Variants in ATG7 observed in about 807,000 individuals in gnomAD.
The protein encoded by ATG7 is autophagy related 7.
Under a neutral mutation model 82.4 loss-of-function variants are expected in ATG7, and 70 were observed. The ratio of observed to expected loss-of-function variants is 0.85; its 90% confidence interval spans 0.70 to 1.04. The LOEUF (loss-of-function observed/expected upper bound fraction) is 1.04, where lower values mean the gene tolerates loss of function less well. ATG7 is among the 50% of genes least tolerant of loss of function. ATG7 has a pLI of 0.00. For missense variants in ATG7, 792 were observed against 864.3 expected (o/e 0.92, Z 1.05); for synonymous variants, 287 against 313.0 (o/e 0.92, Z 0.88).
intron 19 of ATG7, among the ~76,000 whole-genome samples, chr3:11,391,547 C>T (rs1038566133): frequency 1.9e-4 from 29 of 152,184 alleles, no homozygotes; most frequent in African/African-American, 7.0e-4. Flanking sequence ...GTGCTGGGCT[C>T]AGGGTGATGC....
chr3:11,558,937 C>A, downstream of ATG7: 1 of 1,329,542 alleles, frequency 7.5e-7, no homozygotes, highest in East Asian at 2.5e-5. Context: ...CTGCCACGGT[C>A]AGCGTGGGCT....
In ATG7 at chr3:11,557,334, TTGTC is replaced by T. The variant is rs16340; in HGVS notation, c.*2496_*2499del. 19,259 of 152,742 alleles carry T rather than the reference TTGTC, an allele frequency of 0.13. 2,864 individuals carry two copies. The highest frequency in any genetic ancestry group is 0.36 in the African/African-American group (15,063 of 41,406). The allele number at this position is 152,742 out of a possible 1,614,324, so 9.5% of individuals were successfully genotyped here. ...AGCGTATAAAACACCATATCACAGA[TTGTC>T]TGTCAGTAATCTGCTGTTCAGCCAA... On this transcript the variant is annotated 3_prime_UTR_variant, in exon 21 of 21. Transcript: ENST00000693202.
intron 19 of ATG7, among the ~76,000 whole-genome samples, chr3:11,393,575 T>C (rs1167716391): frequency 1.3e-5 from 2 of 152,240 alleles, no homozygotes; most frequent in Non-Finnish European, 2.9e-5. Context: ...TGACTTGAAA[T>C]GTCAACTGAC....
intron 19 of ATG7, among the ~76,000 whole-genome samples, chr3:11,398,228 A>G (rs1321839363): frequency 6.6e-6 from 1 of 152,198 alleles, no homozygotes; most frequent in Non-Finnish European, 1.5e-5. Flanking sequence ...TACTGCACCT[A>G]ACTGAAATAT....
At chr3:11,486,570 C>G (rs892226590) in intron 20 of ATG7, among the ~76,000 whole-genome samples, 5 of 151,084 alleles carry the variant, frequency 3.3e-5, no homozygotes, top group Non-Finnish European at 7.4e-5. Context: ...ACTTCCAACA[C>G]TATGTTGAAT....
At chr3:11,563,123 G>T in the ATG7 span, among the ~76,000 whole-genome samples, 1 of 152,198 alleles carries the variant, frequency 6.6e-6, no homozygotes, top group African/African-American at 2.4e-5. Flanking sequence ...CACTAAGCCC[G>T]CCAAGGGCCC....
chr3:11,401,925 G>A (rs1005895475), intron 19 of ATG7, among the ~76,000 whole-genome samples: 2 of 152,146 alleles, frequency 1.3e-5, no homozygotes, highest in Admixed American at 6.5e-5. Context: ...AATTGGATTG[G>A]AAGCCTTGAA....
At chr3:11,412,872 A>G (rs1325032473) in intron 19 of ATG7, among the ~76,000 whole-genome samples, 1 of 152,034 alleles carries the variant, frequency 6.6e-6, no homozygotes, top group Non-Finnish European at 1.5e-5. Context: ...GATGTCTTTA[A>G]TTTCAGCATT....
chr3:11,540,868 C>CT (rs1288260080), intron 20 of ATG7, among the ~76,000 whole-genome samples: 8 of 99,836 alleles, frequency 8.0e-5, no homozygotes, highest in African/African-American at 1.6e-4. Flanking sequence ...ACTGATTTTT[C>CT]TTTTTTTTTC....
At chr3:11,286,596 T>C (rs1318463728) in intron 3 of ATG7, among the ~76,000 whole-genome samples, 2 of 136,496 alleles carry the variant, frequency 1.5e-5, no homozygotes, top group African/African-American at 2.8e-5. Flanking sequence ...TTTTTTTTTT[T>C]TTTTTTTTTT....
chr3:11,322,115 G>A (rs547831003), intron 9 of ATG7, among the ~76,000 whole-genome samples: 1 of 152,344 alleles, frequency 6.6e-6, no homozygotes, highest in African/African-American at 2.4e-5. Context: ...CTTGGGTGAT[G>A]TATGGTTGTT....
At chr3:11,422,769 T>TTTGG (rs1386943052) in intron 19 of ATG7, among the ~76,000 whole-genome samples, 3 of 102,628 alleles carry the variant, frequency 2.9e-5, no homozygotes, top group African/African-American at 1.2e-4. Flanking sequence ...TTTTTTTTTT[T>TTTGG]GGAGACAGAG....
At chr3:11,491,426 T>C (rs1159425150) in intron 20 of ATG7, among the ~76,000 whole-genome samples, 7 of 152,340 alleles carry the variant, frequency 4.6e-5, no homozygotes, top group Middle Eastern at 3.4e-3. Context: ...AATTTCCTCC[T>C]GTAGCTCAGA....
intron 5 of ATG7, chr3:11,304,702 AGCTGTAATGTCCCCAAAGCAG>A (rs1424817553): frequency 3.3e-5 from 5 of 152,248 alleles, no homozygotes; most frequent in Non-Finnish European, 7.3e-5. Flanking sequence ...CCAAGTGTCT[AGCTGTAATGTCCCCAAAGCAG>A]GCCCAGTCTT....
At chr3:11,298,601 A>T in intron 3 of ATG7, 85 bp from the exon 4 acceptor site, 1 of 1,358,428 alleles carries the variant, frequency 7.4e-7, no homozygotes, top group Admixed American at 2.1e-5. Flanking sequence ...TGTTTGTTTG[A>T]ATTAAACTTT....
At chr3:11,307,224 G>C (rs1344824194) in intron 6 of ATG7, among the ~76,000 whole-genome samples, 164 bp downstream of exon 6, 7 of 152,218 alleles carry the variant, frequency 4.6e-5, no homozygotes, top group Non-Finnish European at 7.3e-5. Flanking sequence ...ACTCCCAGCT[G>C]TCTCCTTCTG....
intron 20 of ATG7, among the ~76,000 whole-genome samples, chr3:11,428,432 A>T (rs748982099): frequency 2.0e-5 from 3 of 152,214 alleles, no homozygotes; most frequent in Non-Finnish European, 4.4e-5. Context: ...AAGATAGTAC[A>T]TCTCTAGTGC....
chr3:11,573,249 A>G, the ATG7 span, among the ~76,000 whole-genome samples: 20,054 of 34,318 alleles, frequency 0.58, 3,919 homozygotes, highest in South Asian at 0.65. Context: ...GAAATAGAGA[A>G]AGAAAGAAAG....
intron 20 of ATG7, among the ~76,000 whole-genome samples, chr3:11,519,007 A>C (rs2092361924): frequency 6.6e-6 from 1 of 152,162 alleles, no homozygotes; most frequent in Non-Finnish European, 1.5e-5. Context: ...ATATAAGTAA[A>C]TATAGAGTCC....
Sources: gnomAD v4.1 joint callset for allele counts (sites outside exome capture counted in the v4.1 genomes callset) on GRCh38, gnomAD v4.1.1 for gene constraint, MANE v1.5 for transcripts, NCBI Gene and HGNC (gene_info 2026-07-23, HGNC 2026-07-21) for gene names.